Variants in HSPG2 observed in about 807,000 individuals in gnomAD.
HSPG2 encodes the protein heparan sulfate proteoglycan 2.
HSPG2 carries 278 observed loss-of-function variants against 526.6 expected under a neutral mutation model. The ratio of observed to expected loss-of-function variants is 0.53; its 90% confidence interval spans 0.48 to 0.58. HSPG2 has a LOEUF of 0.58. Among genes scored for constraint, HSPG2 ranks in the 20% least tolerant of loss-of-function variants. HSPG2 has a pLI of 0.00. For synonymous variants in HSPG2, 2,465 were observed against 2,555.4 expected (o/e 0.96, Z 1.07); for missense variants, 5,354 against 6,099.5 (o/e 0.88, Z 4.07).
Position 21,839,341 on chromosome 1 carries a change from G to C in HSPG2, c.9889+30C>G, listed in dbSNP as rs778354611. The C allele has an allele frequency of 6.2e-7, 1 of 1,604,342 alleles. No individual in the cohort carries two copies. The highest frequency in any genetic ancestry group is 1.1e-5 in the South Asian group (1 of 90,950). ...AGTCGGGGGGCTCAGATCTCCATTTGGTGCAGACAAAGAAGGGATGAGGCC... is the reference window on the plus strand; with the variant it reads ...AGTCGGGGGGCTCAGATCTCCATTTCGTGCAGACAAAGAAGGGATGAGGCC... On this transcript the variant is annotated intron_variant, in intron 73 of 96. Coordinates refer to ENST00000374695, the MANE Select transcript of HSPG2 (RefSeq NM_005529.7). The surrounding 1 kb of genome is among the most constrained non-coding windows in gnomAD (Gnocchi z 4.5).
intron 65 of HSPG2, 144 bp downstream of exon 65, chr1:21,844,004 G>C (rs184909581): frequency 9.1e-7 from 1 of 1,099,654 alleles, no homozygotes; most frequent in African/African-American, 1.5e-5. Flanking sequence ...TGCCCAGCCC[G>C]CTCTCAACTT....
chr1:21,856,916 G>T, intron 44 of HSPG2, 99 bp downstream of exon 44: 1 of 1,280,908 alleles, frequency 7.8e-7, no homozygotes, highest in South Asian at 1.2e-5. Context: ...TGCAGCAGGT[G>T]CTCAGAAATG....
intron 33 of HSPG2, among the ~76,000 whole-genome samples, chr1:21,871,244 CT>C (rs1424732739): frequency 6.8e-6 from 1 of 146,194 alleles, no homozygotes; most frequent in Non-Finnish European, 1.5e-5. Context: ...TCACCTCTGA[CT>C]GGCAGAGTAT....
At position 21,831,495 on chromosome 1, in the gene HSPG2, A is replaced by G; in HGVS notation, c.11420T>C (p.Ile3807Thr). 1 of 1,614,060 alleles carries G rather than the reference A, an allele frequency of 6.2e-7. No homozygotes were observed. Among genetic ancestry groups the G allele is most frequent in the Non-Finnish European group, 8.5e-7 (1 of 1,179,974 alleles). ...GCCGCTGCTCAGCCCCGCCTTGGGG[A>G]TGGCACCATAGTCAGGATAGCCACC... The part of the protein sequence containing the change: ...YLGGYPDYGA[I>T]PKAGLSSGFI... The change falls in exon 83 of 97, where the codon ATC becomes ACC. Residue 3807 changes from isoleucine to threonine, a missense_variant. Ile to Thr is a moderately conservative substitution (Grantham distance 89). Coordinates refer to ENST00000374695, the MANE Select transcript of HSPG2 (RefSeq NM_005529.7).
chr1:21,877,143 TAAC>T (rs965590990), intron 21 of HSPG2, among the ~76,000 whole-genome samples: 1 of 152,096 alleles, frequency 6.6e-6, no homozygotes, highest in Admixed American at 6.5e-5. Context: ...AATTCCCACT[TAAC>T]AAGCACTTAG....
chr1:21,934,304 G>A (rs946274957), intron 1 of HSPG2, among the ~76,000 whole-genome samples: 3 of 152,240 alleles, frequency 2.0e-5, no homozygotes, highest in Non-Finnish European at 2.9e-5. Flanking sequence ...CAGGCAAAGA[G>A]GGTCCAAGGT....
In HSPG2 at chr1:21,848,566, G is replaced by T; in HGVS notation, c.7737+77C>A. The T allele has an allele frequency of 2.0e-6, 3 of 1,488,174 alleles. No individual in the cohort carries two copies. Among genetic ancestry groups the T allele is most frequent in the Non-Finnish European group, 1.9e-6 (2 of 1,068,744 alleles). 92.2% of individuals were successfully genotyped at this position (1,488,174 alleles called of 1,614,324 possible). Reference sequence around the variant, plus strand: ...GAATGACTGAATGAGCACAGAGTGAGGTGCTGAGAGTCCCCCCTCTTCCCA... The same window carrying T: ...GAATGACTGAATGAGCACAGAGTGATGTGCTGAGAGTCCCCCCTCTTCCCA... On this transcript the variant is annotated intron_variant, in intron 59 of 96. Transcript: ENST00000374695. This position sits in a 1 kb window ranked among gnomAD's most constrained non-coding sequence, Gnocchi z 4.9.
rs778614369 is a variant in HSPG2 at position 21,828,952 on chromosome 1, G to A, written c.12120C>T (p.Pro4040=). 1.0e-5 allele frequency: 16 copies of A among 1,576,504 alleles called. No individual in the cohort carries two copies. Among genetic ancestry groups the A allele is most frequent in the South Asian group, 2.3e-5 (2 of 85,854 alleles). The change falls in exon 88 of 97, where the codon CCC becomes CCT. Residue 4040 remains proline (P), a synonymous_variant. Coordinates refer to ENST00000374695, the MANE Select transcript of HSPG2 (RefSeq NM_005529.7). This position sits in a 1 kb window ranked among gnomAD's most constrained non-coding sequence, Gnocchi z 6.0. ...NGGRPVLRSS[P]GKSQGLNLHT... Reference sequence around the variant, plus strand: ...GCAGGTTGAGGCCCTGGCTCTTGCCGGGCGAGGAGCGCAGCACAGGGCGTC... The same window carrying A: ...GCAGGTTGAGGCCCTGGCTCTTGCCAGGCGAGGAGCGCAGCACAGGGCGTC...
intron 74 of HSPG2, among the ~76,000 whole-genome samples, chr1:21,837,457 T>TTTTTGTA (rs1553159262): frequency 9.2e-5 from 14 of 151,708 alleles, no homozygotes; most frequent in African/African-American, 2.9e-4. Context: ...TTTTTTTTTT[T>TTTTTGTA]TTTTGTATTT....
chr1:21,862,218 C>G, intron 37 of HSPG2, 103 bp from the exon 38 acceptor site: 1 of 1,284,340 alleles, frequency 7.8e-7, no homozygotes, highest in Admixed American at 1.9e-5. Flanking sequence ...TTTGTGAACT[C>G]ATCTTAAAGA....
At chr1:21,838,692 G>A (rs1236050101) in intron 74 of HSPG2, 133 bp downstream of exon 74, 7 of 936,216 alleles carry the variant, frequency 7.5e-6, no homozygotes, top group Admixed American at 2.1e-5. Context: ...TCGGGCCCTG[G>A]AGAGTAGGGG....
rs2098037715 is a variant in HSPG2 at position 21,838,903 on chromosome 1, CAG to C, written c.10070_10071del (p.Pro3357ArgfsTer61). ...CGGCAGCGGTAGCGGCCTGAGTCCTCAGGGGCTGCACGCTCAAAGTGCAGCAG... is the reference window on the plus strand; with the variant it reads ...CGGCAGCGGTAGCGGCCTGAGTCCTCGGGCTGCACGCTCAAAGTGCAGCAG... ...NELLHFERAA[P>X]EDSGRYRCRV... On this transcript the variant is annotated frameshift_variant, in exon 74 of 97. Transcript: ENST00000374695. LOFTEE classifies it high-confidence loss of function. The C allele has an allele frequency of 6.2e-7, 1 of 1,612,406 alleles. No individual in the cohort carries two copies.
chr1:21,882,400 T>TACACACACACAC (rs56357321), intron 13 of HSPG2, among the ~76,000 whole-genome samples: 34 of 142,780 alleles, frequency 2.4e-4, no homozygotes, highest in African/African-American at 7.6e-4. Context: ...CTCTTCTATG[T>TACACACACACAC]ACACACACAC....
rs745974426 is a variant in HSPG2, at chr1:21,885,361, T to C, written c.1169A>G (p.Glu390Gly). Residue 390 changes from glutamate (E) to glycine (G), a missense_variant, in exon 10 of 97, where the codon GAG becomes GGG. Physicochemically the swap from Glu to Gly is moderately conservative, Grantham distance 98. Transcript: ENST00000374695. Reference sequence around the variant, plus strand: ...GCTCCGGTCAGGACAGTCGCTCTCCTCGTCACAGTGGAAGCTGGCTGGGAT... The same window carrying C: ...GCTCCGGTCAGGACAGTCGCTCTCCCCGTCACAGTGGAAGCTGGCTGGGAT... ...MCIPASFHCDEESDCPDRSDE... is the reference protein window; with the variant it reads ...MCIPASFHCDGESDCPDRSDE... 1 of 1,614,076 alleles carries C rather than the reference T, an allele frequency of 6.2e-7. No individual in the cohort carries two copies. Among genetic ancestry groups the C allele is most frequent in the Non-Finnish European group, 8.5e-7 (1 of 1,180,002 alleles).
In HSPG2 at chr1:21,841,563, T is replaced by C. The variant is rs1362259363; in HGVS notation, c.9304A>G (p.Ser3102Gly). The stretch of plus-strand genomic sequence containing the variant: ...CCGTGCACACTGAGGTTCACCACAC[T>C]CTGGGCCACACCGTAGGCATTGGAG... ...VASNAYGVAQ[S>G]VVNLSVHGPP... Residue 3102 changes from serine to glycine, a missense_variant, in exon 70 of 97, where the codon AGT (serine) becomes GGT (glycine). Ser to Gly is a moderately conservative substitution (Grantham distance 56, BLOSUM62 0). Coordinates refer to ENST00000374695, the MANE Select transcript of HSPG2 (RefSeq NM_005529.7). 6.2e-7 allele frequency: 1 copy of C among 1,614,210 alleles called. No individual in the cohort carries two copies. Among genetic ancestry groups the C allele is most frequent in the Admixed American group, 1.7e-5 (1 of 60,030 alleles).
Position 21,887,245 on chromosome 1 carries a change from A to G in HSPG2, c.1048T>C (p.Cys350Arg), listed in dbSNP as rs1295716138. Residue 350 changes from cysteine (C) to arginine (R), a missense_variant, in exon 9 of 97, where the codon TGT (cysteine) becomes CGT (arginine). Coordinates refer to ENST00000374695, the MANE Select transcript of HSPG2 (RefSeq NM_005529.7). The surrounding 1 kb of genome is among the most constrained non-coding windows in gnomAD (Gnocchi z 5.0). Reference protein sequence around the residue: ...KLWRCDGDFDCEDRTDEANCP... With the variant: ...KLWRCDGDFDREDRTDEANCP... ...TTGGCTTCATCAGTTCGGTCCTCAC[A>G]GTCAAAGTCACCATCGCAGCGCCAC... 3 of 1,614,036 alleles carry G rather than the reference A, an allele frequency of 1.9e-6. No individual in the cohort carries two copies. Among genetic ancestry groups the G allele is most frequent in the Non-Finnish European group, 2.5e-6 (3 of 1,179,954 alleles).
rs1333089627 is a variant in HSPG2 at position 21,855,653 on chromosome 1, A to C, written c.5724T>G (p.Pro1908=). ...EWTGGPGGQL[P]AKAQIHGGIL... is the part of the protein sequence containing the mutation. ...TGCCGCCGTGGATTTGTGCCTTCGC[A>C]GGGAGCTGGCCGCCGGGGCCCCCTG... Residue 1908 remains proline (P), a synonymous_variant, in exon 46 of 97, where the codon CCT becomes CCG. Coordinates refer to ENST00000374695, the MANE Select transcript of HSPG2 (RefSeq NM_005529.7). 1 of 1,575,714 alleles carries C rather than the reference A, an allele frequency of 6.3e-7. No individual in the cohort carries two copies. The highest frequency in any genetic ancestry group is 2.3e-5 in the East Asian group (1 of 43,296).
chr1:21,828,897 G>C lies in HSPG2; in HGVS notation c.12175C>G (p.Pro4059Ala). The change falls in exon 88 of 97, where the codon CCT (proline) becomes GCT (alanine). Residue 4059 changes from proline to alanine, a missense_variant. Pro to Ala is a conservative substitution (Grantham distance 27). Coordinates refer to ENST00000374695, the MANE Select transcript of HSPG2 (RefSeq NM_005529.7). This position sits in a 1 kb window ranked among gnomAD's most constrained non-coding sequence, Gnocchi z 6.0. ...HTLLYLGGVE[P>A]SVPLSPATNM... ...GTGGCCGGGGACAGTGGCACGGAAG[G>C]CTCCACACCCCCCAGGTAGAGCAGG... 1 of 1,556,552 alleles carries C rather than the reference G, an allele frequency of 6.4e-7. No individual in the cohort carries two copies. The highest frequency in any genetic ancestry group is 8.7e-7 in the Non-Finnish European group (1 of 1,150,032).
Position 21,835,856 on chromosome 1 carries a change from C to T in HSPG2, c.10356-219G>A, listed in dbSNP as rs185596336. On this transcript the variant is annotated intron_variant, in intron 75 of 96. Coordinates refer to ENST00000374695, the MANE Select transcript of HSPG2 (RefSeq NM_005529.7). The stretch of plus-strand genomic sequence containing the variant: ...AAAATTAGCCAGGCGTGGTGGCACA[C>T]GCCTGTAATCCCAGATACTTGGGAG... Among the ~76,000 whole-genome samples, 634 of 152,098 alleles carry T rather than the reference C, an allele frequency of 4.2e-3. 5 individuals carry two copies. Among genetic ancestry groups the T allele is most frequent in the African/African-American group, 0.013 (559 of 41,500 alleles).
Sources: allele counts gnomAD v4.1 joint callset (sites outside exome capture counted in the v4.1 genomes callset), GRCh38; gene constraint gnomAD v4.1.1; non-coding constraint Gnocchi (gnomAD v3.1); transcripts MANE v1.5; gene names NCBI Gene and HGNC (gene_info 2026-07-23, HGNC 2026-07-21).